The following DLG1 variants were observed in gnomAD, a reference collection of about 807,000 sequenced individuals.
The protein encoded by DLG1 is disks large homolog 1.
Under a neutral mutation model 123.4 loss-of-function variants are expected in DLG1, and 42 were observed. The observed-to-expected ratio is 0.34, with a 90% CI of 0.27 to 0.44. The LOEUF is 0.44. Ranked by LOEUF, DLG1 falls within the 20% of genes least tolerant of loss-of-function variation. The pLI is 1.00. For synonymous variants in DLG1, 317 were observed against 356.2 expected, an observed-to-expected ratio of 0.89 and a Z score of 1.24; for missense variants, 942 against 1,082.6, an observed-to-expected ratio of 0.87 and a Z score of 1.82.
At chr3:197,267,558 T>C (rs1762210954) in intron 4 of DLG1, among the ~76,000 whole-genome samples, 1 of 97,054 alleles carries the variant, frequency 1.0e-5, no homozygotes, top group Non-Finnish European at 2.2e-5. Context: ...AAAACGTAGT[T>C]TGCCTTTTTT....
chr3:197,268,203 T>C (rs1181988363), intron 4 of DLG1, among the ~76,000 whole-genome samples: 1 of 152,206 alleles, frequency 6.6e-6, no homozygotes, highest in Admixed American at 6.5e-5. Context: ...CAAGATTATT[T>C]AAATGATGAG....
chr3:197,153,502 A>G (rs1794944483), intron 5 of DLG1, among the ~76,000 whole-genome samples: 1 of 152,154 alleles, frequency 6.6e-6, no homozygotes, highest in African/African-American at 2.4e-5. Context: ...TTCTCCAAAT[A>G]CTGGAGATCT....
chr3:197,148,247 A>C (rs1791999560), intron 6 of DLG1, among the ~76,000 whole-genome samples: 1 of 137,774 alleles, frequency 7.3e-6, no homozygotes, highest in Non-Finnish European at 1.6e-5. Context: ...CAAAAATACA[A>C]AAAAAAAAAA....
intron 5 of DLG1, among the ~76,000 whole-genome samples, chr3:197,168,779 A>T (rs577316046): frequency 6.6e-6 from 1 of 152,314 alleles, no homozygotes; most frequent in Admixed American, 6.5e-5. Flanking sequence ...TTTAAAAAAA[A>T]TCTTGACCAT....
At chr3:197,205,116 T>A (rs147810908) in intron 4 of DLG1, among the ~76,000 whole-genome samples, 1 of 152,252 alleles carries the variant, frequency 6.6e-6, no homozygotes, top group East Asian at 1.9e-4. Context: ...TGAAAAATGG[T>A]ATACCTTACC....
intron 7 of DLG1, among the ~76,000 whole-genome samples, chr3:197,141,649 C>T (rs1788065243): frequency 6.6e-6 from 1 of 152,112 alleles, no homozygotes; most frequent in South Asian, 2.1e-4. Context: ...GTGTGAAACA[C>T]TAGATTTCCA....
chr3:197,214,123 T>C (rs1258849228), intron 4 of DLG1, among the ~76,000 whole-genome samples: 3 of 152,150 alleles, frequency 2.0e-5, no homozygotes, highest in East Asian at 3.8e-4. Context: ...TGATGGATTA[T>C]TGAATAAACA....
At chr3:197,159,973 A>C (rs985320265) in intron 5 of DLG1, among the ~76,000 whole-genome samples, 14 of 152,202 alleles carry the variant, frequency 9.2e-5, no homozygotes, top group Admixed American at 5.9e-4. Flanking sequence ...CCTGACGTGC[A>C]TTAAGCATCC....
At chr3:197,072,727 C>G (rs1744833524) in intron 18 of DLG1, among the ~76,000 whole-genome samples, 1 of 151,642 alleles carries the variant, frequency 6.6e-6, no homozygotes, top group Admixed American at 6.6e-5. Flanking sequence ...GAGTCTTGCT[C>G]TGTCACCCAG....
At position 197,069,237 on chromosome 3, in the gene DLG1, C is replaced by T. The variant is rs773802586; in HGVS notation, c.2029G>A (p.Asp677Asn). The T allele has an allele frequency of 8.8e-6, 14 of 1,588,200 alleles. No homozygotes were observed. Among genetic ancestry groups the T allele is most frequent in the Non-Finnish European group, 1.1e-5 (13 of 1,166,818 alleles). Residue 677 changes from aspartate (D) to asparagine (N), a missense_variant, in exon 19 of 25, where the codon GAT (aspartate) becomes AAT (asparagine). Asp to Asn is a conservative substitution (Grantham distance 23, BLOSUM62 1). Coordinates refer to ENST00000667157, the MANE Select transcript of DLG1 (RefSeq NM_001366207.1). ...CACTTACGGTAACTACTTTCACTAT[C>T]GCTGGCATTAGAAGTTACATGCTCT... ...ADQHVTSNAS[D>N]SESSYRGQEE...
chr3:197,293,577 A>T (rs1372539546), intron 3 of DLG1, among the ~76,000 whole-genome samples: 1 of 152,182 alleles, frequency 6.6e-6, no homozygotes, highest in Non-Finnish European at 1.5e-5. Flanking sequence ...CCAAAAGTAC[A>T]GGAACCTAAT....
chr3:197,184,161 G>A, intron 5 of DLG1: 3 of 1,030,794 alleles, frequency 2.9e-6, no homozygotes, highest in Non-Finnish European at 3.5e-6. Flanking sequence ...CAGGAAGTGA[G>A]GTCGATTAGC....
intron 4 of DLG1, among the ~76,000 whole-genome samples, chr3:197,220,096 T>C (rs1056638914): frequency 1.3e-5 from 2 of 152,242 alleles, no homozygotes; most frequent in East Asian, 1.9e-4. Context: ...CTAGGTAACA[T>C]GATTAGTACA....
intron 4 of DLG1, among the ~76,000 whole-genome samples, chr3:197,272,964 G>T (rs1287845066): frequency 2.0e-5 from 3 of 152,102 alleles, no homozygotes; most frequent in Non-Finnish European, 4.4e-5. Context: ...AGTGATTTTT[G>T]ATATTTTCAT....
intron 4 of DLG1, among the ~76,000 whole-genome samples, chr3:197,227,335 C>T (rs183519243): frequency 9.1e-4 from 138 of 151,984 alleles, no homozygotes; most frequent in Non-Finnish European, 1.6e-3. Context: ...ATTAGCCAGG[C>T]GTGGTGGTAC....
chr3:197,141,510 T>TA (rs2149664404), intron 7 of DLG1, among the ~76,000 whole-genome samples: 1 of 152,296 alleles, frequency 6.6e-6, no homozygotes, highest in African/African-American at 2.4e-5. Flanking sequence ...TAGATGGCAA[T>TA]AAAGATATAC....
intron 4 of DLG1, among the ~76,000 whole-genome samples, chr3:197,251,289 A>G (rs1029349594): frequency 6.6e-6 from 1 of 152,148 alleles, no homozygotes; most frequent in African/African-American, 2.4e-5. Context: ...CTTCACAGAA[A>G]AAGAAATAGA....
intron 4 of DLG1, among the ~76,000 whole-genome samples, chr3:197,246,987 G>A (rs995055617): frequency 1.3e-5 from 2 of 152,198 alleles, no homozygotes; most frequent in African/African-American, 4.8e-5. Context: ...CATTCACTCA[G>A]CCCAAGTATA....
At chr3:197,248,279 C>T (rs1752736825) in intron 4 of DLG1, among the ~76,000 whole-genome samples, 1 of 152,190 alleles carries the variant, frequency 6.6e-6, no homozygotes, top group Non-Finnish European at 1.5e-5. Context: ...TAACCTTGGT[C>T]TGTGCAGAGT....
Sources: gnomAD v4.1 joint callset for allele counts (sites outside exome capture counted in the v4.1 genomes callset) on GRCh38, gnomAD v4.1.1 for gene constraint, MANE v1.5 for transcripts, NCBI Gene and HGNC (gene_info 2026-07-23, HGNC 2026-07-21) for gene names.